Variants in G3BP2 observed in about 807,000 individuals in gnomAD.
The protein encoded by G3BP2 is G3BP stress granule assembly factor 2, also known as ras GTPase-activating protein-binding protein 2.
In G3BP2, 11 loss-of-function variants were observed where a neutral mutation model predicts 56.7. The ratio of observed to expected loss-of-function variants is 0.19; its 90% CI spans 0.12 to 0.32. The LOEUF is 0.32. G3BP2 is among the 10% of genes least tolerant of loss of function. G3BP2 has a pLI of 1.00. For synonymous variants in G3BP2, 165 were observed against 191.6 expected (o/e 0.86, Z 1.15); for missense variants, 340 against 610.9 (o/e 0.56, Z 4.67).
At chr4:75,650,581 C>T (rs979936465) in intron 8 of G3BP2, among the ~76,000 whole-genome samples, 2 of 152,166 alleles carry the variant, frequency 1.3e-5, no homozygotes, top group African/African-American at 2.4e-5. Context: ...TGTCAATGTC[C>T]TATTTCCCTC....
chr4:75,646,542 T>G, intron 10 of G3BP2, 86 bp from the exon 11 acceptor site: 1 of 835,198 alleles, frequency 1.2e-6, no homozygotes, highest in East Asian at 2.5e-5. Context: ...AATATCGTTA[T>G]CTCCCCGATC....
At chr4:75,715,217 A>C (rs1216340534) in intron 3 of G3BP2, among the ~76,000 whole-genome samples, 1 of 152,212 alleles carries the variant, frequency 6.6e-6, no homozygotes, top group Non-Finnish European at 1.5e-5. Flanking sequence ...ACAGAGGCTC[A>C]AATGTTTGCC....
chr4:75,648,812 G>A (rs1421885733), intron 8 of G3BP2, 71 bp from the exon 9 acceptor site: 10 of 823,264 alleles, frequency 1.2e-5, no homozygotes, highest in East Asian at 5.2e-5. Context: ...AGCACCTAAC[G>A]ACAAGTCACT....
At chr4:75,648,166 G>C in intron 9 of G3BP2, among the ~76,000 whole-genome samples, 1 of 151,910 alleles carries the variant, frequency 6.6e-6, no homozygotes, top group Admixed American at 6.6e-5. Flanking sequence ...TGGCCAACAT[G>C]GTGAAACCCT....
chr4:75,655,625 C>A, intron 6 of G3BP2, 143 bp downstream of exon 6: 1 of 590,770 alleles, frequency 1.7e-6, no homozygotes, highest in Non-Finnish European at 3.0e-6. Flanking sequence ...TTCCAAATTT[C>A]TTGCATATAC....
chr4:75,685,712 A>C (rs555325831), intron 3 of G3BP2, among the ~76,000 whole-genome samples: 3 of 152,288 alleles, frequency 2.0e-5, no homozygotes, highest in Admixed American at 2.0e-4. Context: ...GCACCACATA[A>C]ATATAAACTA....
At chr4:75,705,086 A>G (rs1163773803) in intron 3 of G3BP2, among the ~76,000 whole-genome samples, 1 of 152,008 alleles carries the variant, frequency 6.6e-6, no homozygotes, top group East Asian at 1.9e-4. Flanking sequence ...AGTGTATTTT[A>G]TGTGTGACCC....
At chr4:75,720,310 C>T (rs1720111908) in intron 3 of G3BP2, among the ~76,000 whole-genome samples, 1 of 149,502 alleles carries the variant, frequency 6.7e-6, no homozygotes, top group East Asian at 2.0e-4. Flanking sequence ...ATGAGGAGAT[C>T]GAGACCACGG....
intron 3 of G3BP2, among the ~76,000 whole-genome samples, chr4:75,689,832 T>G (rs1465910297): frequency 1.3e-5 from 2 of 152,156 alleles, no homozygotes; most frequent in Non-Finnish European, 2.9e-5. Flanking sequence ...CAATGTTGAG[T>G]AAAAGACGCC....
At chr4:75,701,880 A>C (rs924412391) in intron 3 of G3BP2, among the ~76,000 whole-genome samples, 1 of 152,216 alleles carries the variant, frequency 6.6e-6, no homozygotes, top group Non-Finnish European at 1.5e-5. Flanking sequence ...AGAATATGCC[A>C]CTATGGCATA....
At chr4:75,682,713 T>G (rs781113492) in intron 3 of G3BP2, among the ~76,000 whole-genome samples, 35 of 151,386 alleles carry the variant, frequency 2.3e-4, no homozygotes, top group Non-Finnish European at 4.3e-4. Context: ...TGGGCACGGT[T>G]GCTCATGCCT....
Position 75,697,727 on chromosome 4 carries a change from A to T in G3BP2, c.-25+23150T>A, listed in dbSNP as rs534405703. Among the ~76,000 whole-genome samples, 3 of 152,336 alleles carry T rather than the reference A, an allele frequency of 2.0e-5. No homozygotes were observed. In the South Asian group the frequency reaches 6.2e-4, roughly 32 times the overall value. ...GGTGGGCTGATCACTTGAGGTCAGG[A>T]GTTTGAGACAAGCCTGGCCAACATG... On this transcript the variant is annotated intron_variant, in intron 3 of 3. Coordinates refer to the G3BP2 transcript ENST00000499709.
upstream of G3BP2, among the ~76,000 whole-genome samples, chr4:75,678,183 T>C (rs1379653697): frequency 6.6e-6 from 1 of 152,208 alleles, no homozygotes; most frequent in East Asian, 1.9e-4. Context: ...GACAGGTTCT[T>C]GCTTTGTCTG....
At chr4:75,673,474 C>T, upstream of G3BP2, 1 of 1,232,276 alleles carries the variant, frequency 8.1e-7, no homozygotes, top group East Asian at 3.2e-5. Context: ...GCCAGGGAAC[C>T]CCCGAGCACA....
rs1220624243 is a variant in G3BP2 at position 75,697,289 on chromosome 4, AAAAAAAAAAAAAG to A, written c.-25+23575_-25+23587del. On this transcript the variant is annotated intron_variant, in intron 3 of 3. Coordinates refer to the G3BP2 transcript ENST00000499709. ...ACTCTGTCTCAAAAAAAAAAAAAAA[AAAAAAAAAAAAAG>A]ATCATGAAATTGAGGTGTTTTGTTG... 3.5e-4 allele frequency among the ~76,000 whole-genome samples: 50 copies of A among 144,138 alleles called. 4 individuals carry two copies. The highest frequency in any genetic ancestry group is 6.0e-4 in the African/African-American group (23 of 38,310). The allele number at this position is 144,138 out of a possible 152,430, so 94.6% of individuals were successfully genotyped here.
chr4:75,710,718 G>A (rs1227394142), intron 3 of G3BP2, among the ~76,000 whole-genome samples: 4 of 151,910 alleles, frequency 2.6e-5, no homozygotes, highest in African/African-American at 9.7e-5. Context: ...CCAGGCTAGA[G>A]TGCAGTAGTG....
rs1352742071 is a variant in G3BP2 at position 75,657,675 on chromosome 4, C to T, written c.233G>A (p.Arg78His). ...LNFSECHTKI[R>H]HVDAHATLSD... is the part of the protein sequence containing the mutation. ...CAAGGTTGCATGAGCATCCACATGA[C>T]GAATTTTAGTATGACATTCACTGAA... is the stretch of plus-strand genomic sequence containing the variant. The change falls in exon 4 of 12, where the codon CGT (arginine) becomes CAT (histidine). Residue 78 changes from arginine (R) to histidine (H), a missense_variant. By Grantham distance (29) the Arg-to-His change is conservative. Coordinates refer to ENST00000359707, the MANE Select transcript of G3BP2 (RefSeq NM_203505.3). 3.1e-6 allele frequency: 5 copies of T among 1,612,560 alleles called. No individual in the cohort carries two copies. The highest frequency in any genetic ancestry group is 1.7e-5 in the Admixed American group (1 of 59,976).
At chr4:75,709,451 GA>G (rs1167105557) in intron 3 of G3BP2, among the ~76,000 whole-genome samples, 39 of 126,666 alleles carry the variant, frequency 3.1e-4, no homozygotes, top group African/African-American at 1.0e-3. Flanking sequence ...AACCTACTAC[GA>G]AAAAAACCGA....
intron 3 of G3BP2, among the ~76,000 whole-genome samples, chr4:75,717,702 C>A (rs1437670282): frequency 6.6e-6 from 1 of 152,270 alleles, no homozygotes; most frequent in South Asian, 2.1e-4. Context: ...GCAACCCTAC[C>A]CTGGCTATTC....
Sources: allele counts gnomAD v4.1 joint callset (sites outside exome capture counted in the v4.1 genomes callset), GRCh38; gene constraint gnomAD v4.1.1; transcripts MANE v1.5; gene names NCBI Gene and HGNC (gene_info 2026-07-23, HGNC 2026-07-21).